PAK4: variants seen among roughly 807,000 people sequenced by gnomAD.
The protein encoded by PAK4 is p21 (RAC1) activated kinase 4, also known as serine/threonine-protein kinase PAK 4.
In PAK4, 49 loss-of-function variants were observed where a neutral mutation model predicts 53.5. That is an observed-to-expected ratio of 0.92 (90% CI 0.73 to 1.16). The LOEUF is 1.16. Among genes scored for constraint, PAK4 ranks in the 50% most tolerant of loss-of-function variants. PAK4 has a pLI of 0.00. For missense variants in PAK4, 824 were observed against 850.7 expected, an observed-to-expected ratio of 0.97 and a Z score of 0.39; for synonymous variants, 376 against 375.6, an observed-to-expected ratio of 1.00 and a Z score of -0.01.
chr19:39,142,096 T>C (rs1028782855), intron 1 of PAK4, among the ~76,000 whole-genome samples: 5 of 152,066 alleles, frequency 3.3e-5, no homozygotes, highest in African/African-American at 1.2e-4. Context: ...CCCGCCTCAG[T>C]CTCCTGAATA....
intron 1 of PAK4, among the ~76,000 whole-genome samples, chr19:39,163,748 C>G (rs993897416): frequency 6.6e-6 from 1 of 152,236 alleles, no homozygotes; most frequent in African/African-American, 2.4e-5. Flanking sequence ...GAAGGCTGCA[C>G]CTTCCTGCTG....
At chr19:39,138,153 A>AT (rs1431996992) in intron 1 of PAK4, among the ~76,000 whole-genome samples, 8 of 151,658 alleles carry the variant, frequency 5.3e-5, no homozygotes, top group Non-Finnish European at 1.0e-4. Flanking sequence ...TAATGGGCTA[A>AT]TTTTTTTTAT....
At chr19:39,176,357 AG>A (rs1409079711) in intron 6 of PAK4, 1 of 574,254 alleles carries the variant, frequency 1.7e-6, no homozygotes, top group East Asian at 3.0e-5. Flanking sequence ...AGAGGCTGTC[AG>A]GGAGGGAAAT....
intron 1 of PAK4, among the ~76,000 whole-genome samples, chr19:39,165,826 G>T (rs930130680): frequency 6.6e-6 from 1 of 152,188 alleles, no homozygotes; most frequent in African/African-American, 2.4e-5. Flanking sequence ...GCCGGAACCC[G>T]CGAATCTCTG....
At position 39,133,287 on chromosome 19, in the gene PAK4, A is replaced by G. The variant is rs137871951; in HGVS notation, c.-23+7368A>G. 6.0e-3 allele frequency among the ~76,000 whole-genome samples: 912 copies of G among 152,326 alleles called. 13 individuals carry two copies. Among genetic ancestry groups the G allele is most frequent in the African/African-American group, 0.02 (832 of 41,584 alleles). ...CAAAATGTATAGTAAGTGCTCAAAGACTGTTAGCTGCGTTACTAATAGCCG... is the reference window on the plus strand; with the variant it reads ...CAAAATGTATAGTAAGTGCTCAAAGGCTGTTAGCTGCGTTACTAATAGCCG... On this transcript the variant is annotated intron_variant, in intron 1 of 8. Transcript: ENST00000358301.
rs898597149 is a variant in PAK4 at position 39,178,121 on chromosome 19, G to A, written c.1621-303G>A. ...ACCTTCCTAGTGGAGGACTTGCCAG[G>A]AGGGAAAGGGGCACCTCTGGGCCCC... is the stretch of plus-strand genomic sequence containing the variant. On this transcript the variant is annotated intron_variant, in intron 8 of 8. Coordinates refer to ENST00000358301, the Ensembl canonical transcript of PAK4. This position sits in a 1 kb window ranked among gnomAD's most constrained non-coding sequence, Gnocchi z 4.4. 6.6e-6 allele frequency among the ~76,000 whole-genome samples: 1 copy of A among 152,144 alleles called. No homozygotes were observed. Among genetic ancestry groups the A allele is most frequent in the Non-Finnish European group, 1.5e-5 (1 of 68,010 alleles).
chr19:39,148,698 G>A (rs1024720327), intron 1 of PAK4, among the ~76,000 whole-genome samples: 8 of 150,120 alleles, frequency 5.3e-5, no homozygotes, highest in South Asian at 2.1e-4. Context: ...CTCGTGATCC[G>A]CCTGCCTCAG....
In PAK4 at chr19:39,175,647, C is replaced by T. The variant is rs1434365037; in HGVS notation, c.1359+209C>T. 6.6e-6 allele frequency among the ~76,000 whole-genome samples: 1 copy of T among 152,038 alleles called. No individual in the cohort carries two copies. The highest frequency in any genetic ancestry group is 2.1e-4 in the South Asian group (1 of 4,830). ...TGTGCAGTGGGAGGGCACAGGCTGG[C>T]GGGGGCTCTGCCATCAGCACAGGAC... On this transcript the variant is annotated intron_variant, in intron 6 of 8. Coordinates refer to ENST00000358301, the Ensembl canonical transcript of PAK4. The surrounding 1 kb of genome is among the most constrained non-coding windows in gnomAD (Gnocchi z 4.7).
downstream of PAK4, chr19:39,181,226 G>T (rs2074697778): frequency 6.6e-6 from 1 of 152,580 alleles, no homozygotes; most frequent in Admixed American, 6.5e-5. Flanking sequence ...TTACAGGCGT[G>T]AGCCACCGTG....
chr19:39,177,469 G>C (rs2074629109), intron 7 of PAK4, among the ~76,000 whole-genome samples: 1 of 152,168 alleles, frequency 6.6e-6, no homozygotes, highest in East Asian at 1.9e-4. Context: ...GAAGAGGGGT[G>C]GGTGCTGGGG....
rs2074663418 is a variant in PAK4 at position 39,178,791 on chromosome 19, G to A, written c.*212G>A. On this transcript the variant is annotated 3_prime_UTR_variant, in exon 9 of 9. Transcript: ENST00000358301. This position sits in a 1 kb window ranked among gnomAD's most constrained non-coding sequence, Gnocchi z 4.4. ...AACACAGGGACTCGTGGGAGCAAGC[G>A]AGGCTCCCAGGACCCCCACCCTCTG... 2 of 488,850 alleles carry A rather than the reference G, an allele frequency of 4.1e-6. No homozygotes were observed. Among genetic ancestry groups the A allele is most frequent in the Non-Finnish European group, 7.2e-6 (2 of 276,822 alleles). The allele number at this position is 488,850 out of a possible 1,614,324, so 30.3% of individuals were successfully genotyped here. A position where few individuals can be genotyped will look rare whatever the true frequency, so the allele number is the denominator to read the frequency against.
rs1324036698 is a variant in PAK4 at position 39,126,373 on chromosome 19, A to G, written c.-23+454A>G. 3.0e-5 allele frequency among the ~76,000 whole-genome samples: 4 copies of G among 134,266 alleles called. No homozygotes were observed. The East Asian group carries it at 9.2e-4, about 31-fold the overall frequency. 88.1% of individuals were successfully genotyped at this position (134,266 alleles called of 152,430 possible). On this transcript the variant is annotated intron_variant, in intron 1 of 8. Transcript: ENST00000358301. ...GGCGTGCCTAGAAGGTACAAAGGTG[A>G]GAATCTGACAGCGGGGCAGCTGTTT...
chr19:39,142,212 A>T (rs563825701), intron 1 of PAK4, among the ~76,000 whole-genome samples: 41 of 152,200 alleles, frequency 2.7e-4, no homozygotes, highest in African/African-American at 9.9e-4. Flanking sequence ...TTTGTCCTGG[A>T]GTTTTGCAGT....
At chr19:39,130,160 G>GGGGACCCAGGCAGAGGGGTCAGGGCGGGA (rs2073676250) in intron 1 of PAK4, among the ~76,000 whole-genome samples, 3 of 117,824 alleles carry the variant, frequency 2.5e-5, no homozygotes, top group Non-Finnish European at 6.0e-5. Context: ...TCAGGGTGGG[G>GGGGACCCAGGCAGAGGGGTCAGGGCGGGA]TGGTGGGACC....
Position 39,169,342 on chromosome 19 carries a change from G to T in PAK4, c.-22-190G>T, listed in dbSNP as rs528483351. Among the ~76,000 whole-genome samples, 220 of 152,200 alleles carry T rather than the reference G, an allele frequency of 1.4e-3. 2 individuals carry two copies. Among genetic ancestry groups the T allele is most frequent in the African/African-American group, 5.1e-3 (212 of 41,534 alleles). On this transcript the variant is annotated intron_variant, in intron 1 of 8. Transcript: ENST00000358301. ...TGAGCAGAGGGACGTGACCGCTCGG[G>T]TGCTCACGGGTACCCTCTGGCTGTG...
At chr19:39,134,360 C>T (rs2073771171) in intron 1 of PAK4, among the ~76,000 whole-genome samples, 4 of 152,252 alleles carry the variant, frequency 2.6e-5, no homozygotes, top group Non-Finnish European at 1.5e-5. Context: ...CTGTCCATCA[C>T]GACCACAGTC....
At chr19:39,127,338 T>A (rs2073605852) in intron 1 of PAK4, among the ~76,000 whole-genome samples, 1 of 152,038 alleles carries the variant, frequency 6.6e-6, no homozygotes, top group South Asian at 2.1e-4. Context: ...TCTTTGACCT[T>A]CCTGTTCCTT....
chr19:39,174,928 C>T lies in PAK4; in HGVS notation c.1099-3C>T, dbSNP rs1176347863. 3 of 1,613,562 alleles carry T rather than the reference C, an allele frequency of 1.9e-6. No homozygotes were observed. In the African/African-American group the frequency reaches 4.0e-5, roughly 22 times the overall value. On this transcript the variant is annotated splice_region_variant and splice_polypyrimidine_tract_variant and intron_variant, in intron 4 of 8. Transcript: ENST00000358301. ...CTCCACCACTGACCCAGCCCCTGCA[C>T]AGGTGGTAATCATGAGGGACTACCA...
intron 1 of PAK4, among the ~76,000 whole-genome samples, chr19:39,138,817 G>A (rs896513607): frequency 6.6e-6 from 1 of 152,230 alleles, no homozygotes; most frequent in African/African-American, 2.4e-5. Context: ...TTAATTATTA[G>A]GGAACAGGCT....
Sources: allele counts gnomAD v4.1 joint callset (sites outside exome capture counted in the v4.1 genomes callset), GRCh38; gene constraint gnomAD v4.1.1; non-coding constraint Gnocchi (gnomAD v3.1); transcripts MANE v1.5; gene names NCBI Gene and HGNC (gene_info 2026-07-23, HGNC 2026-07-21).